The following DNAI3 variants were observed in gnomAD, a reference collection of about 807,000 sequenced individuals.
The protein encoded by DNAI3 is WD repeat domain 63.
In DNAI3, 83 loss-of-function variants were observed where a neutral mutation model predicts 115.5. That is an observed-to-expected ratio of 0.72 (90% CI 0.60 to 0.86). The LOEUF is 0.86. DNAI3 is among the 40% of genes least tolerant of loss of function. The pLI, the probability that DNAI3 is intolerant of heterozygous loss-of-function variation, is 0.00. For missense variants in DNAI3, 1,004 were observed against 1,075.8 expected (o/e 0.93, Z 0.93); for synonymous variants, 320 against 347.0 (o/e 0.92, Z 0.86).
chr1:85,073,065 A>G lies in DNAI3; in HGVS notation c.76A>G (p.Met26Val). Residue 26 changes from methionine (M) to valine (V), a missense_variant, in exon 3 of 23, where the codon ATG becomes GTG. Physicochemically the swap from Met to Val is conservative, Grantham distance 21. This residue lies in a region of DNAI3 where 550 missense variants were observed against 568.1 expected (regional missense o/e 0.97). Coordinates refer to ENST00000294664, the MANE Select transcript of DNAI3 (RefSeq NM_145172.5). Reference protein sequence around the residue: ...LKPVLAASEDMEPVNMESMGH... With the variant: ...LKPVLAASEDVEPVNMESMGH... The stretch of plus-strand genomic sequence containing the variant: ...TTATTATATTCTAGCTAGTGAAGAC[A>G]TGGAACCAGTAAATATGGAGAGCAT... 1.9e-6 allele frequency: 3 copies of G among 1,550,964 alleles called. No individual in the cohort carries two copies. Among genetic ancestry groups the G allele is most frequent in the South Asian group, 1.3e-5 (1 of 77,720 alleles).
Position 85,121,765 on chromosome 1 carries a change from A to T in DNAI3, c.1932A>T (p.Ile644=), listed in dbSNP as rs1261995941. ...AATATTTTTAGGAAGGCGAAGTGAT[A>T]TACACAGATTGGAAAATGGAAAAAG... ...FFVGTEEGEV[I]YTDWKMEKDP... Residue 644 remains isoleucine, a synonymous_variant, in exon 18 of 23, where the codon ATA becomes ATT. Coordinates refer to ENST00000294664, the MANE Select transcript of DNAI3 (RefSeq NM_145172.5). The T allele has an allele frequency of 1.2e-6, 2 of 1,614,188 alleles. No homozygotes were observed. Among genetic ancestry groups the T allele is most frequent in the African/African-American group, 2.7e-5 (2 of 75,054 alleles).
intron 15 of DNAI3, among the ~76,000 whole-genome samples, 178 bp from the exon 16 acceptor site, chr1:85,109,870 G>T (rs1434814350): frequency 6.6e-6 from 1 of 152,102 alleles, no homozygotes; most frequent in Non-Finnish European, 1.5e-5. Context: ...TAGAAATGTG[G>T]TTTAGGTGCT....
At chr1:85,105,528 C>CAA (rs755945527) in intron 14 of DNAI3, among the ~76,000 whole-genome samples, 12,027 of 51,396 alleles carry the variant, frequency 0.23, 774 homozygotes, top group East Asian at 0.45. Flanking sequence ...AACTCTGTCT[C>CAA]AAAAAAAAAA....
intron 16 of DNAI3, among the ~76,000 whole-genome samples, chr1:85,114,219 G>A (rs1381316936): frequency 2.0e-5 from 3 of 151,974 alleles, no homozygotes; most frequent in Non-Finnish European, 2.9e-5. Context: ...CACCATGTTG[G>A]CCAGGCTGGT....
intron 5 of DNAI3, 73 bp from the exon 6 acceptor site, chr1:85,084,473 A>AT (rs1654735975): frequency 2.4e-5 from 23 of 954,798 alleles, no homozygotes; most frequent in Non-Finnish European, 3.0e-5. Context: ...TTTGTTGCAA[A>AT]ATATATATAT....
intron 7 of DNAI3, among the ~76,000 whole-genome samples, chr1:85,089,834 C>G (rs748404612): frequency 5.9e-5 from 9 of 151,956 alleles, no homozygotes; most frequent in Non-Finnish European, 1.0e-4. Flanking sequence ...GTGGGAATTC[C>G]TTATACCCTT....
chr1:85,113,724 A>C (rs1655724502), intron 16 of DNAI3, among the ~76,000 whole-genome samples: 1 of 152,130 alleles, frequency 6.6e-6, no homozygotes, highest in African/African-American at 2.4e-5. Flanking sequence ...GTTATGCATA[A>C]AAAGCTAGCT....
At chr1:85,081,887 C>T (rs1447765275) in intron 4 of DNAI3, among the ~76,000 whole-genome samples, 2 of 152,188 alleles carry the variant, frequency 1.3e-5, no homozygotes, top group East Asian at 1.9e-4. Context: ...GTGATCTTCC[C>T]GCCTTGGCCT....
intron 3 of DNAI3, among the ~76,000 whole-genome samples, chr1:85,076,278 T>C (rs1654452632): frequency 6.6e-6 from 1 of 151,904 alleles, no homozygotes; most frequent in African/African-American, 2.4e-5. Flanking sequence ...CCCAGTCATC[T>C]CCCCACCTCA....
chr1:85,097,709 G>A (rs1357770390), intron 12 of DNAI3, 54 bp downstream of exon 12: 1 of 1,480,480 alleles, frequency 6.8e-7, no homozygotes, highest in Non-Finnish European at 9.2e-7. Flanking sequence ...AGAGTTTATG[G>A]AAAAGTACAT....
intron 16 of DNAI3, among the ~76,000 whole-genome samples, chr1:85,113,981 G>A (rs914550575): frequency 6.9e-6 from 1 of 145,378 alleles, no homozygotes; most frequent in East Asian, 2.0e-4. Flanking sequence ...ATTTCCAATT[G>A]TTCACTGCCA....
At chr1:85,082,676 G>A (rs1654670265) in intron 5 of DNAI3, among the ~76,000 whole-genome samples, 1 of 152,130 alleles carries the variant, frequency 6.6e-6, no homozygotes, top group African/African-American at 2.4e-5. Context: ...TTGTTGATTA[G>A]CAGAAGGAAG....
intron 13 of DNAI3, among the ~76,000 whole-genome samples, chr1:85,103,931 A>AATT (rs1553166945): frequency 2.2e-4 from 32 of 143,898 alleles, no homozygotes; most frequent in Admixed American, 1.6e-3. Context: ...TAATAATAAT[A>AATT]ATTTATGAAT....
intron 13 of DNAI3, among the ~76,000 whole-genome samples, chr1:85,100,152 A>C (rs1181705781): frequency 1.3e-5 from 2 of 152,236 alleles, no homozygotes; most frequent in Admixed American, 6.5e-5. Flanking sequence ...AGCTTCTGCA[A>C]AGCAAAAGAA....
chr1:85,127,236 T>C (rs963053776), intron 20 of DNAI3, among the ~76,000 whole-genome samples: 4 of 152,194 alleles, frequency 2.6e-5, no homozygotes, highest in African/African-American at 9.6e-5. Flanking sequence ...TGGAGTTATA[T>C]ATGTATTTAA....
chr1:85,106,104 C>A (rs1367619540), intron 14 of DNAI3, among the ~76,000 whole-genome samples: 2 of 152,170 alleles, frequency 1.3e-5, no homozygotes, highest in African/African-American at 4.8e-5. Flanking sequence ...CATGCCACTG[C>A]ACTCCAGCCT....
At chr1:85,073,722 G>A (rs1173153925) in intron 3 of DNAI3, among the ~76,000 whole-genome samples, 2 of 152,174 alleles carry the variant, frequency 1.3e-5, no homozygotes, top group Non-Finnish European at 2.9e-5. Flanking sequence ...ATGGAATGAG[G>A]AAATATTGGT....
intron 1 of DNAI3, among the ~76,000 whole-genome samples, chr1:85,062,719 G>C (rs1251546734): frequency 6.6e-6 from 1 of 152,148 alleles, no homozygotes; most frequent in Admixed American, 6.5e-5. Context: ...GGCATGTACT[G>C]TCTTGTTCCC....
chr1:85,085,745 C>A, intron 6 of DNAI3, 86 bp from the exon 7 acceptor site: 1 of 1,124,612 alleles, frequency 8.9e-7, no homozygotes, highest in Non-Finnish European at 1.3e-6. Context: ...GCACAAAGGG[C>A]TCTGAGTGGA....
Sources: gnomAD v4.1 joint callset for allele counts (sites outside exome capture counted in the v4.1 genomes callset) on GRCh38, gnomAD v4.1.1 for gene constraint, gnomAD v4.1.1 regional missense constraint, MANE v1.5 for transcripts, NCBI Gene and HGNC (gene_info 2026-07-23, HGNC 2026-07-21) for gene names.